The following MACROD2 variants were observed in gnomAD, a reference collection of about 807,000 sequenced individuals.
MACROD2 encodes the protein mono-ADP ribosylhydrolase 2.
Under a neutral mutation model 70.4 loss-of-function variants are expected in MACROD2, and 36 were observed. The ratio of observed to expected loss-of-function variants is 0.51; its 90% CI spans 0.39 to 0.68. The LOEUF is 0.68. Among genes scored for constraint, MACROD2 ranks in the 30% least tolerant of loss-of-function variants. MACROD2 has a pLI of 0.00. For synonymous variants in MACROD2, 172 were observed against 178.8 expected (o/e 0.96, Z 0.30); for missense variants, 496 against 538.4 (o/e 0.92, Z 0.78).
At chr20:14,610,586 T>C (rs1983095512) in intron 4 of MACROD2, among the ~76,000 whole-genome samples, 2 of 152,142 alleles carry the variant, frequency 1.3e-5, no homozygotes, top group South Asian at 2.1e-4. Context: ...TGAGTAAGTA[T>C]AGTGTTTGCT....
At chr20:14,907,902 G>A (rs2073978665) in intron 5 of MACROD2, among the ~76,000 whole-genome samples, 1 of 152,132 alleles carries the variant, frequency 6.6e-6, no homozygotes, top group Admixed American at 6.6e-5. Context: ...TTGAAAGAAA[G>A]CTCAAGACCT....
At chr20:14,312,045 A>T (rs944350856) in intron 3 of MACROD2, among the ~76,000 whole-genome samples, 3 of 152,186 alleles carry the variant, frequency 2.0e-5, no homozygotes, top group African/African-American at 7.2e-5. Flanking sequence ...CATTTTCATT[A>T]CATAATATTT....
intron 5 of MACROD2, among the ~76,000 whole-genome samples, chr20:15,163,013 T>C (rs1601161981): frequency 6.6e-6 from 1 of 152,020 alleles, no homozygotes; most frequent in Admixed American, 6.6e-5. Flanking sequence ...AGCTGAAAGG[T>C]AGATGATCTA....
Position 15,310,544 on chromosome 20 carries a change from C to A in MACROD2, c.540+80483C>A, listed in dbSNP as rs187634430. On this transcript the variant is annotated intron_variant, in intron 6 of 17. Coordinates refer to ENST00000684519, the MANE Select transcript of MACROD2 (RefSeq NM_001351661.2). ...GACTATAGTAAAAAAGAGAATGATG[C>A]AACTCAGAAAAGAAAAAAGAATCTT... is the stretch of plus-strand genomic sequence containing the variant. 1.4e-3 allele frequency among the ~76,000 whole-genome samples: 217 copies of A among 152,080 alleles called. 1 individual carries two copies. The highest frequency in any genetic ancestry group is 5.0e-3 in the African/African-American group (209 of 41,508).
chr20:14,488,093 G>A (rs77128048), intron 3 of MACROD2, among the ~76,000 whole-genome samples: 3,339 of 152,178 alleles, frequency 0.022, 113 homozygotes, highest in African/African-American at 0.067. Context: ...GGCTAAAAGC[G>A]TATCACATTC....
At chr20:14,528,059 T>G (rs2085254819) in intron 4 of MACROD2, among the ~76,000 whole-genome samples, 1 of 152,120 alleles carries the variant, frequency 6.6e-6, no homozygotes, top group Admixed American at 6.5e-5. Context: ...TAATCTTATT[T>G]TAATCTCAAT....
chr20:14,004,490 G>T (rs2052783027), intron 2 of MACROD2, among the ~76,000 whole-genome samples: 1 of 152,148 alleles, frequency 6.6e-6, no homozygotes, highest in African/African-American at 2.4e-5. Flanking sequence ...AGACTCTGGT[G>T]AATGGCCTCT....
In MACROD2 at chr20:15,153,956, G is replaced by A. The variant is rs942898418; in HGVS notation, c.419-75984G>A. 2.6e-5 allele frequency among the ~76,000 whole-genome samples: 4 copies of A among 152,190 alleles called. No homozygotes were observed. The East Asian group carries it at 7.7e-4, about 29-fold the overall frequency. On this transcript the variant is annotated intron_variant, in intron 5 of 17. Coordinates refer to ENST00000684519, the MANE Select transcript of MACROD2 (RefSeq NM_001351661.2). ...TCCTCTTACTGTGAACAACACAAAT[G>A]ATTGGAGTTATAATGACACCCTTGC...
rs193099097 is a variant in MACROD2 at position 15,362,695 on chromosome 20, A to G, written c.541-68710A>G. On this transcript the variant is annotated intron_variant, in intron 6 of 17. Transcript: ENST00000684519. ...ACCATTTAATGTAGTGATCAAATAAATTGTTGAATGTATAGGAAAAAATTT... is the reference window on the plus strand; with the variant it reads ...ACCATTTAATGTAGTGATCAAATAAGTTGTTGAATGTATAGGAAAAAATTT... Among the ~76,000 whole-genome samples, 249 of 152,268 alleles carry G rather than the reference A, an allele frequency of 1.6e-3. 1 individual carries two copies. Among genetic ancestry groups the G allele is most frequent in the Non-Finnish European group, 2.1e-3 (140 of 68,018 alleles).
chr20:15,678,204 C>A (rs1270937745), intron 8 of MACROD2, among the ~76,000 whole-genome samples: 6 of 152,058 alleles, frequency 3.9e-5, no homozygotes, highest in Non-Finnish European at 8.8e-5. Flanking sequence ...GTGTGTAAAC[C>A]AAAGTCCATA....
intron 10 of MACROD2, chr20:15,893,751 C>T (rs945911973): frequency 2.0e-5 from 9 of 456,538 alleles, no homozygotes; most frequent in African/African-American, 1.4e-4. Context: ...TGCCTGGATC[C>T]CCACCTCCTC....
At chr20:15,224,454 G>T (rs982164594) in intron 5 of MACROD2, among the ~76,000 whole-genome samples, 3 of 152,198 alleles carry the variant, frequency 2.0e-5, no homozygotes, top group African/African-American at 4.8e-5. Context: ...TGTTGTCATT[G>T]TGATGCTGTC....
chr20:15,126,273 C>T (rs1207058391), intron 5 of MACROD2, among the ~76,000 whole-genome samples: 1 of 151,902 alleles, frequency 6.6e-6, no homozygotes. Flanking sequence ...CAAGGAACCA[C>T]TAAACAGCTT....
At chr20:15,201,515 G>C (rs1207281049) in intron 5 of MACROD2, among the ~76,000 whole-genome samples, 1 of 152,086 alleles carries the variant, frequency 6.6e-6, no homozygotes, top group Admixed American at 6.5e-5. Flanking sequence ...TAGCCAATAC[G>C]TGCAACTGTC....
chr20:16,037,934 TTTC>T (rs1437903835), intron 15 of MACROD2, among the ~76,000 whole-genome samples: 1 of 152,010 alleles, frequency 6.6e-6, no homozygotes, highest in Non-Finnish European at 1.5e-5. Context: ...TTCACATTTA[TTTC>T]TTTTTGAGGG....
intron 5 of MACROD2, among the ~76,000 whole-genome samples, chr20:14,699,631 A>G (rs2071168699): frequency 6.6e-6 from 1 of 152,184 alleles, no homozygotes; most frequent in South Asian, 2.1e-4. Context: ...GAAGGCCGTC[A>G]GTCTCACAAC....
chr20:15,863,554 T>A (rs1450655287), intron 9 of MACROD2, among the ~76,000 whole-genome samples: 1 of 152,216 alleles, frequency 6.6e-6, no homozygotes, highest in Non-Finnish European at 1.5e-5. Flanking sequence ...GTGTCCAAAG[T>A]GCTTTCCTTA....
rs138719833 is a variant in MACROD2 at position 14,086,465 on chromosome 20, G to C, written c.271+737G>C. On this transcript the variant is annotated intron_variant, in intron 3 of 17. Transcript: ENST00000684519. ...CAAGTGTCAATTAAAAACAAATCTG[G>C]ACTTAGGTAAGGAGAGGCTTTATCT... is the stretch of plus-strand genomic sequence containing the variant. 2.9e-3 allele frequency among the ~76,000 whole-genome samples: 443 copies of C among 152,272 alleles called. 3 individuals are homozygous for C. The highest frequency in any genetic ancestry group is 9.7e-3 in the African/African-American group (404 of 41,552).
At chr20:14,867,196 G>A (rs1466342494) in intron 5 of MACROD2, among the ~76,000 whole-genome samples, 1 of 152,094 alleles carries the variant, frequency 6.6e-6, no homozygotes, top group Non-Finnish European at 1.5e-5. Context: ...AATTTTGATA[G>A]CTGCTTTGTA....
Sources: allele counts gnomAD v4.1 joint callset (sites outside exome capture counted in the v4.1 genomes callset), GRCh38; gene constraint gnomAD v4.1.1; transcripts MANE v1.5; gene names NCBI Gene and HGNC (gene_info 2026-07-23, HGNC 2026-07-21).